BCL2L1: variants seen among roughly 807,000 people sequenced by gnomAD.
BCL2L1 encodes bcl-2-like protein 1.
BCL2L1 carries 1 observed loss-of-function variant against 18.7 expected under a neutral mutation model. The ratio of observed to expected loss-of-function variants is 0.05; its 90% CI spans 0.02 to 0.25. The LOEUF is 0.25. Among genes scored for constraint, BCL2L1 ranks in the 10% least tolerant of loss-of-function variants. BCL2L1 has a pLI of 1.00. For missense variants in BCL2L1, 207 were observed against 304.9 expected (o/e 0.68, Z 2.39); for synonymous variants, 103 against 122.7 (o/e 0.84, Z 1.06).
At chr20:31,703,407 G>T (rs1322003816) in intron 2 of BCL2L1, among the ~76,000 whole-genome samples, 1 of 151,808 alleles carries the variant, frequency 6.6e-6, no homozygotes, top group Non-Finnish European at 1.5e-5. Context: ...TCGAACTCCT[G>T]ACCTCAGGTG....
intron 2 of BCL2L1, among the ~76,000 whole-genome samples, chr20:31,684,417 A>G (rs1354665033): frequency 6.6e-6 from 1 of 152,184 alleles, no homozygotes; most frequent in African/African-American, 2.4e-5. Flanking sequence ...AAATGAAAAC[A>G]GGATAGGTCC....
At chr20:31,702,600 G>A (rs568401117) in intron 2 of BCL2L1, among the ~76,000 whole-genome samples, 117 of 151,408 alleles carry the variant, frequency 7.7e-4, no homozygotes, top group Non-Finnish European at 1.3e-3. Flanking sequence ...CACAACCTCC[G>A]CCTCCCAGGT....
rs1030657544 is a variant in BCL2L1, at chr20:31,665,913, G to A, written c.*36C>T. 5 of 1,605,674 alleles carry A rather than the reference G, an allele frequency of 3.1e-6. No individual in the cohort carries two copies. The African/African-American group carries it at 4.0e-5, about 13-fold the overall frequency. ...ACGGAGGATGTGGTGGAGCAGAGAA[G>A]GGGGTGGGAGGGTAGAGTGGATGGT... is the stretch of plus-strand genomic sequence containing the variant. On this transcript the variant is annotated 3_prime_UTR_variant, in exon 3 of 3. Coordinates refer to ENST00000307677, the MANE Select transcript of BCL2L1 (RefSeq NM_138578.3).
At chr20:31,720,994 G>A (rs2061616223) in intron 2 of BCL2L1, 1 of 985,126 alleles carries the variant, frequency 1.0e-6, no homozygotes. Context: ...CAACCATGCA[G>A]AAAGTCGCAC....
At chr20:31,721,423 G>C in intron 2 of BCL2L1, 2 of 549,042 alleles carry the variant, frequency 3.6e-6, no homozygotes, top group Non-Finnish European at 6.3e-6. Flanking sequence ...GTATGGAATA[G>C]TGGAGTCATG....
At chr20:31,684,063 A>G (rs1325565864) in intron 2 of BCL2L1, among the ~76,000 whole-genome samples, 1 of 152,142 alleles carries the variant, frequency 6.6e-6, no homozygotes, top group Non-Finnish European at 1.5e-5. Flanking sequence ...CAGAGGAGAT[A>G]TTTGAGACCC....
intron 2 of BCL2L1, among the ~76,000 whole-genome samples, chr20:31,700,099 C>T (rs927248267): frequency 6.6e-6 from 1 of 152,212 alleles, no homozygotes; most frequent in Non-Finnish European, 1.5e-5. Context: ...GTTTCTCGGG[C>T]TAGCTGTCTC....
intron 2 of BCL2L1, among the ~76,000 whole-genome samples, chr20:31,710,777 G>A (rs933210993): frequency 1.2e-4 from 18 of 152,240 alleles, no homozygotes; most frequent in African/African-American, 4.1e-4. Flanking sequence ...AGTGTTTGAG[G>A]TCTATTCCTA....
intron 2 of BCL2L1, among the ~76,000 whole-genome samples, chr20:31,680,685 T>TAA (rs2060843487): frequency 6.6e-6 from 1 of 152,190 alleles, no homozygotes; most frequent in Admixed American, 6.5e-5. Flanking sequence ...CAACAAATCT[T>TAA]CATTAAGTGC....
chr20:31,675,110 T>C (rs1485437789), intron 2 of BCL2L1, among the ~76,000 whole-genome samples: 1 of 152,112 alleles, frequency 6.6e-6, no homozygotes, highest in Non-Finnish European at 1.5e-5. Context: ...CTGGCTTCAG[T>C]GAGGAACAAG....
intron 2 of BCL2L1, among the ~76,000 whole-genome samples, chr20:31,694,759 C>T (rs1467440019): frequency 6.6e-6 from 1 of 152,154 alleles, no homozygotes; most frequent in Non-Finnish European, 1.5e-5. Flanking sequence ...GAAACTAAGG[C>T]TTGGCAAAGT....
intron 2 of BCL2L1, among the ~76,000 whole-genome samples, chr20:31,705,602 G>C (rs913973354): frequency 6.6e-6 from 1 of 152,206 alleles, no homozygotes; most frequent in African/African-American, 2.4e-5. Context: ...ATTGTCCCTG[G>C]AGTTTCCAGC....
intron 2 of BCL2L1, among the ~76,000 whole-genome samples, chr20:31,681,776 T>G (rs1430283828): frequency 1.3e-5 from 2 of 152,240 alleles, no homozygotes; most frequent in African/African-American, 4.8e-5. Flanking sequence ...CCTTGGGGAT[T>G]TCTTTCCAGT....
At chr20:31,687,626 A>G (rs2060982208) in intron 2 of BCL2L1, among the ~76,000 whole-genome samples, 1 of 150,224 alleles carries the variant, frequency 6.7e-6, no homozygotes, top group South Asian at 2.1e-4. Flanking sequence ...GCAGTGAGCC[A>G]AGATTGCCAC....
chr20:31,670,194 C>T (rs551537230), intron 2 of BCL2L1, among the ~76,000 whole-genome samples: 1 of 152,290 alleles, frequency 6.6e-6, no homozygotes, highest in South Asian at 2.1e-4. Flanking sequence ...TCCCTGTCTC[C>T]CTCTCCATCC....
intron 2 of BCL2L1, among the ~76,000 whole-genome samples, chr20:31,717,040 CTG>C (rs1222264784): frequency 6.6e-5 from 10 of 152,172 alleles, no homozygotes; most frequent in African/African-American, 2.4e-4. Flanking sequence ...AGGGAGGACT[CTG>C]TGGAATTAGG....
Position 31,686,707 on chromosome 20 carries a change from C to T in BCL2L1, c.565-20621G>A, listed in dbSNP as rs560373283. On this transcript the variant is annotated intron_variant, in intron 2 of 2. Coordinates refer to ENST00000307677, the MANE Select transcript of BCL2L1 (RefSeq NM_138578.3). ...ACCCACAGTGTTCTCCCTGAAAGGC[C>T]ATGGAGCGGAGGGAGTAAGGGGTAA... 3.5e-4 allele frequency among the ~76,000 whole-genome samples: 54 copies of T among 152,206 alleles called. No individual in the cohort carries two copies. In the South Asian group the frequency reaches 3.9e-3, roughly 11 times the overall value.
chr20:31,720,891 C>T lies in BCL2L1; in HGVS notation c.564+764G>A, dbSNP rs545463152. 3.5e-4 allele frequency: 344 copies of T among 985,394 alleles called. 3 individuals are homozygous for T. In the African/African-American group the frequency reaches 5.7e-3, roughly 16 times the overall value. 61.0% of individuals were successfully genotyped at this position (985,394 alleles called of 1,614,324 possible). On this transcript the variant is annotated intron_variant, in intron 2 of 2. Coordinates refer to ENST00000307677, the MANE Select transcript of BCL2L1 (RefSeq NM_138578.3). ...TGGGCTCTGGCCGGAAAGTAACAGG[C>T]AGAGCAGCTGGAGCTCCCCAACCGA...
chr20:31,668,573 G>C (rs1397472416), intron 2 of BCL2L1, among the ~76,000 whole-genome samples: 1 of 150,904 alleles, frequency 6.6e-6, no homozygotes, highest in Non-Finnish European at 1.5e-5. Flanking sequence ...CAAAGTGCTG[G>C]GATTACAGGC....
Sources: allele counts gnomAD v4.1 joint callset (sites outside exome capture counted in the v4.1 genomes callset), GRCh38; gene constraint gnomAD v4.1.1; transcripts MANE v1.5; gene names NCBI Gene and HGNC (gene_info 2026-07-23, HGNC 2026-07-21).